The following DAB1 variants were observed in gnomAD, a reference collection of about 807,000 sequenced individuals.
The protein encoded by DAB1 is disabled homolog 1.
A neutral mutation model predicts 64.6 loss-of-function variants in DAB1; 15 were observed. That is an observed-to-expected ratio of 0.23 (90% confidence interval 0.16 to 0.36). The LOEUF (loss-of-function observed/expected upper bound fraction) is 0.36, where lower values mean the gene tolerates loss of function less well. Ranked by LOEUF, DAB1 falls within the 10% of genes least tolerant of loss-of-function variation. DAB1 has a pLI of 1.00. For synonymous variants in DAB1, 235 were observed against 251.9 expected (o/e 0.93, Z 0.64); for missense variants, 596 against 706.7 (o/e 0.84, Z 1.78).
chr1:58,442,741 CT>C (rs1367182928), intron 3 of DAB1, among the ~76,000 whole-genome samples: 2 of 152,072 alleles, frequency 1.3e-5, no homozygotes, highest in Non-Finnish European at 2.9e-5. Context: ...GAATATGGGC[CT>C]GGCATTGTGA....
chr1:57,648,700 T>C (rs1245100391), intron 7 of DAB1, among the ~76,000 whole-genome samples: 3 of 152,236 alleles, frequency 2.0e-5, no homozygotes, highest in African/African-American at 7.2e-5. Flanking sequence ...CTGGAAATGA[T>C]AAATATATTA....
chr1:57,321,328 T>C (rs917031871), intron 1 of DAB1, among the ~76,000 whole-genome samples: 7 of 152,144 alleles, frequency 4.6e-5, no homozygotes, highest in African/African-American at 1.7e-4. Context: ...TCTATTCCCA[T>C]GGCTTTTTCC....
At chr1:57,441,279 TTTCTTTC>T (rs1025114088) in intron 7 of DAB1, among the ~76,000 whole-genome samples, 49 of 25,842 alleles carry the variant, frequency 1.9e-3, no homozygotes, top group African/African-American at 4.6e-3. Context: ...TTTCTCTTTC[TTTCTTTC>T]TTTCTTTCTT....
At chr1:58,379,608 C>G (rs1397001648) in intron 3 of DAB1, among the ~76,000 whole-genome samples, 1 of 152,210 alleles carries the variant, frequency 6.6e-6, no homozygotes, top group African/African-American at 2.4e-5. Context: ...ACTCACTTAA[C>G]AAATATATTT....
chr1:57,268,258 GAGAA>G (rs1670735556), intron 2 of DAB1, among the ~76,000 whole-genome samples: 1 of 152,202 alleles, frequency 6.6e-6, no homozygotes, highest in South Asian at 2.1e-4. Flanking sequence ...CTCTGGGGAA[GAGAA>G]AGAAATAGCG....
intron 8 of DAB1, among the ~76,000 whole-genome samples, chr1:57,064,281 A>C (rs185133059): frequency 1.3e-5 from 2 of 152,238 alleles, no homozygotes; most frequent in African/African-American, 4.8e-5. Flanking sequence ...AGTGACGCTC[A>C]GAGATGTTAG....
chr1:57,929,661 T>C (rs1644927870), intron 5 of DAB1, among the ~76,000 whole-genome samples: 1 of 152,314 alleles, frequency 6.6e-6, no homozygotes, highest in Non-Finnish European at 1.5e-5. Flanking sequence ...ATGGGAAAGA[T>C]GGTGTGGGCA....
At chr1:58,164,942 A>T (rs879273327) in intron 4 of DAB1, among the ~76,000 whole-genome samples, 4 of 152,170 alleles carry the variant, frequency 2.6e-5, no homozygotes, top group Non-Finnish European at 4.4e-5. Flanking sequence ...GCTAACATTT[A>T]AAAAAATGTT....
intron 6 of DAB1, among the ~76,000 whole-genome samples, chr1:57,818,476 T>A (rs1651969556): frequency 6.6e-6 from 1 of 152,144 alleles, no homozygotes; most frequent in African/African-American, 2.4e-5. Flanking sequence ...TGAAATAAAA[T>A]GGATGGGTCA....
In DAB1 at chr1:56,997,577, AGG is replaced by A. The variant is rs1472055455; in HGVS notation, c.*565_*566del. Reference sequence around the variant, plus strand: ...TTTTCAAACATGACAAAAAAAGGAAAGGGGGGAAAATGGCAGACCAGGCCCCA... The same window carrying A: ...TTTTCAAACATGACAAAAAAAGGAAAGGGGAAAATGGCAGACCAGGCCCCA... On this transcript the variant is annotated 3_prime_UTR_variant, in exon 15 of 15. Transcript: ENST00000371236. 1 of 152,200 alleles carries A rather than the reference AGG, an allele frequency of 6.6e-6. No homozygotes were observed. Among genetic ancestry groups the A allele is most frequent in the African/African-American group, 2.4e-5 (1 of 41,442 alleles). 9.4% of individuals were successfully genotyped at this position (152,200 alleles called of 1,614,324 possible).
chr1:58,532,814 C>G (rs1466377504), intron 1 of DAB1, among the ~76,000 whole-genome samples: 1 of 152,218 alleles, frequency 6.6e-6, no homozygotes, highest in Non-Finnish European at 1.5e-5. Flanking sequence ...GTATAAGCCA[C>G]TGCACCCAGT....
intron 7 of DAB1, among the ~76,000 whole-genome samples, chr1:57,502,400 A>G (rs755465856): frequency 9.2e-5 from 14 of 152,218 alleles, no homozygotes; most frequent in Non-Finnish European, 1.6e-4. Context: ...AATCTTGGCA[A>G]AAGAGTTGAA....
intron 4 of DAB1, among the ~76,000 whole-genome samples, chr1:58,303,600 T>G (rs1662224064): frequency 6.6e-6 from 1 of 152,084 alleles, no homozygotes; most frequent in Non-Finnish European, 1.5e-5. Flanking sequence ...ATACAAGAAA[T>G]GCATATGGAA....
chr1:58,030,058 T>C (rs190451044), intron 5 of DAB1, among the ~76,000 whole-genome samples: 154 of 151,938 alleles, frequency 1.0e-3, no homozygotes, highest in Non-Finnish European at 9.7e-4. Context: ...ATACAAAAAT[T>C]AGCCAGGTGT....
intron 4 of DAB1, among the ~76,000 whole-genome samples, chr1:58,241,151 G>A (rs1163946441): frequency 6.6e-6 from 1 of 152,058 alleles, no homozygotes; most frequent in African/African-American, 2.4e-5. Context: ...AATAATTGAT[G>A]TTTATGATAT....
chr1:57,459,096 C>T (rs1460399893), intron 7 of DAB1, among the ~76,000 whole-genome samples: 1 of 151,986 alleles, frequency 6.6e-6, no homozygotes, highest in Non-Finnish European at 1.5e-5. Flanking sequence ...ACTCATGAAC[C>T]TATTATCAAA....
rs1166666339 is a variant in DAB1, at chr1:57,365,807, CG to C, written c.-137+58122del. On this transcript the variant is annotated intron_variant, in intron 1 of 14. Coordinates refer to ENST00000371236, the MANE Select transcript of DAB1 (RefSeq NM_001365792.1). ...GCTAGAGGTTGCACAGACATTTATACGGGCAGAAGTAGATGATCTGACCCTA... is the reference window on the plus strand; with the variant it reads ...GCTAGAGGTTGCACAGACATTTATACGGCAGAAGTAGATGATCTGACCCTA... 2.0e-5 allele frequency among the ~76,000 whole-genome samples: 3 copies of C among 152,168 alleles called. No individual in the cohort carries two copies. The East Asian group carries it at 5.8e-4, about 29-fold the overall frequency.
intron 14 of DAB1, among the ~76,000 whole-genome samples, chr1:57,007,737 A>G (rs1194048195): frequency 6.6e-6 from 1 of 152,226 alleles, no homozygotes; most frequent in Non-Finnish European, 1.5e-5. Flanking sequence ...TGCAAGGGTG[A>G]TAAGAGAGAC....
chr1:57,150,374 A>T (rs187352698), intron 2 of DAB1, among the ~76,000 whole-genome samples: 1 of 152,350 alleles, frequency 6.6e-6, no homozygotes, highest in Non-Finnish European at 1.5e-5. Flanking sequence ...TCTCAAAAGT[A>T]TTCCAGTTTG....
Sources: allele counts gnomAD v4.1 joint callset (sites outside exome capture counted in the v4.1 genomes callset), GRCh38; gene constraint gnomAD v4.1.1; transcripts MANE v1.5; gene names NCBI Gene and HGNC (gene_info 2026-07-23, HGNC 2026-07-21).